The following MID1 variants were observed in gnomAD, a reference collection of about 807,000 sequenced individuals.
MID1 encodes E3 ubiquitin-protein ligase Midline-1.
In MID1, 7 loss-of-function variants were observed where a neutral mutation model predicts 40.4. That is an observed-to-expected ratio of 0.17 (90% CI 0.10 to 0.33). The LOEUF is 0.33. MID1 is among the 10% of genes least tolerant of loss of function. MID1 has a pLI of 1.00. For missense variants in MID1, 367 were observed against 558.5 expected, an observed-to-expected ratio of 0.66 and a Z score of 3.46; for synonymous variants, 229 against 221.2, an observed-to-expected ratio of 1.04 and a Z score of -0.31.
At chrX:10,454,585 T>C (rs1029427372) in intron 9 of MID1, among the ~76,000 whole-genome samples, 3 of 111,922 alleles carry the variant, frequency 2.7e-5, no homozygotes, top group East Asian at 2.8e-4. Flanking sequence ...CCATGTTTCA[T>C]GGCATGAAAG....
chrX:10,790,444 C>T (rs1255079578), intron 1 of MID1, among the ~76,000 whole-genome samples: 2 of 110,921 alleles, frequency 1.8e-5, no homozygotes, highest in African/African-American at 6.6e-5. Context: ...GACTCCAGCA[C>T]CCTTGCTGCT....
intron 1 of MID1, among the ~76,000 whole-genome samples, chrX:10,730,090 A>AT (rs1345545486): frequency 3.7e-5 from 4 of 108,424 alleles, no homozygotes; most frequent in African/African-American, 1.3e-4. Flanking sequence ...TCTCAAAAAA[A>AT]AAAAAATAAA....
chrX:10,704,605 A>G (rs764714811), intron 1 of MID1, among the ~76,000 whole-genome samples: 204 of 107,412 alleles, frequency 1.9e-3, no homozygotes, highest in African/African-American at 6.6e-3. Context: ...CAGAATCCAA[A>G]TGTCATTGCA....
At chrX:10,750,223 A>C (rs1207570162) in intron 1 of MID1, among the ~76,000 whole-genome samples, 2 of 111,673 alleles carry the variant, frequency 1.8e-5, no homozygotes, top group East Asian at 5.6e-4. Flanking sequence ...TGGTCACAGA[A>C]GTTTTCATAC....
chrX:10,623,072 T>G (rs1602479166), upstream of MID1, among the ~76,000 whole-genome samples: 2 of 78,600 alleles, frequency 2.5e-5, no homozygotes, highest in African/African-American at 5.8e-5. Flanking sequence ...CATGGTGAAA[T>G]GCTGTCTCTA....
chrX:10,753,525 GT>G (rs1159609783), intron 1 of MID1, among the ~76,000 whole-genome samples: 2 of 109,372 alleles, frequency 1.8e-5, no homozygotes, highest in Admixed American at 2.0e-4. Flanking sequence ...AGGTGATTCT[GT>G]TTTCAAGGAC....
intron 1 of MID1, among the ~76,000 whole-genome samples, chrX:10,783,804 T>C (rs1044557439): frequency 9.0e-6 from 1 of 111,336 alleles, no homozygotes; most frequent in Non-Finnish European, 1.9e-5. Flanking sequence ...CAGGAAAGCA[T>C]TTTCCTTTGG....
At chrX:10,746,437 C>T (rs750222803) in intron 1 of MID1, among the ~76,000 whole-genome samples, 1 of 112,106 alleles carries the variant, frequency 8.9e-6, no homozygotes, top group African/African-American at 3.2e-5. Flanking sequence ...CATGCACATT[C>T]GACCATTGCC....
At chrX:10,479,773 T>C (rs1301547208) in intron 5 of MID1, among the ~76,000 whole-genome samples, 1 of 112,170 alleles carries the variant, frequency 8.9e-6, no homozygotes, top group African/African-American at 3.2e-5. Flanking sequence ...TTCCAAATCT[T>C]AGCTATTGTA....
chrX:10,620,109 G>T (rs1935908867), intron 1 of MID1, among the ~76,000 whole-genome samples, 181 bp downstream of exon 1: 1 of 112,262 alleles, frequency 8.9e-6, no homozygotes, highest in South Asian at 3.8e-4. Context: ...ACCAGACCGG[G>T]GTGGCTCAGG....
intron 1 of MID1, among the ~76,000 whole-genome samples, chrX:10,818,186 T>G (rs2147157480): frequency 8.9e-6 from 1 of 112,376 alleles, no homozygotes; most frequent in African/African-American, 3.2e-5. Flanking sequence ...AAATTTTAAC[T>G]TTGTGTTTAA....
At chrX:10,636,785 G>GAGATATATATATATATATATATATAT (rs757390504) in intron 1 of MID1, among the ~76,000 whole-genome samples, 31 of 42,701 alleles carry the variant, frequency 7.3e-4, no homozygotes, top group Non-Finnish European at 1.2e-3. Context: ...CAACAATGGG[G>GAGATATATATATATATATATATATAT]ATATATATAT....
chrX:10,602,204 A>AG lies in MID1; in HGVS notation c.-57+18085_-57+18086insC, dbSNP rs1288833801. 8.5e-5 allele frequency among the ~76,000 whole-genome samples: 9 copies of AG among 105,319 alleles called. No homozygotes were observed. The East Asian group carries it at 2.6e-3, about 30-fold the overall frequency. The allele number at this position is 105,319 out of a possible 115,157, so 91.5% of individuals were successfully genotyped here. On this transcript the variant is annotated intron_variant, in intron 1 of 9. Coordinates refer to ENST00000317552, the MANE Select transcript of MID1 (RefSeq NM_000381.4). Reference sequence around the variant, plus strand: ...TAATCTGGGATAAAATCTCTGTAACAATTAAGCAAATAGTTTCTGACTTTT... The same window carrying AG: ...TAATCTGGGATAAAATCTCTGTAACAGATTAAGCAAATAGTTTCTGACTTTT...
At chrX:10,537,504 A>T (rs1933305164) in intron 2 of MID1, among the ~76,000 whole-genome samples, 1 of 112,478 alleles carries the variant, frequency 8.9e-6, no homozygotes, top group South Asian at 3.7e-4. Flanking sequence ...TAATAATTAA[A>T]TGGTGATAGT....
rs752764681 is a variant in MID1, at chrX:10,587,556, G to A, written c.-56-19953C>T. On this transcript the variant is annotated intron_variant, in intron 1 of 9. Transcript: ENST00000317552. ...ACTACCACACAGTCCATGCCTTGTC[G>A]ACTGGAGGACCACCTTAGTGGAAGG... Among the ~76,000 whole-genome samples the A allele has an allele frequency of 5.3e-5, 6 of 112,543 alleles. No homozygotes were observed. In the East Asian group the frequency reaches 1.1e-3, roughly 21 times the overall value.
intron 1 of MID1, among the ~76,000 whole-genome samples, chrX:10,825,164 C>G (rs758286760): frequency 1.5e-4 from 17 of 111,680 alleles, no homozygotes; most frequent in Non-Finnish European, 2.3e-4. Flanking sequence ...TAATGTGTGC[C>G]AAGAACAAAG....
At chrX:10,486,637 A>T (rs193183621) in intron 4 of MID1, among the ~76,000 whole-genome samples, 5 of 112,266 alleles carry the variant, frequency 4.5e-5, no homozygotes, top group Admixed American at 3.8e-4. Flanking sequence ...CTCAAGAGAA[A>T]AGGAGTGCGG....
At chrX:10,620,119 G>A (rs1935909294) in intron 1 of MID1, among the ~76,000 whole-genome samples, 171 bp downstream of exon 1, 1 of 112,364 alleles carries the variant, frequency 8.9e-6, no homozygotes, top group Non-Finnish European at 1.9e-5. Context: ...GGTGGCTCAG[G>A]TAAAATGTGC....
intron 1 of MID1, among the ~76,000 whole-genome samples, chrX:10,815,157 C>T (rs1251787264): frequency 8.9e-6 from 1 of 111,775 alleles, no homozygotes; most frequent in African/African-American, 3.3e-5. Context: ...TTTAACATTA[C>T]CACAAAAACA....
Sources: gnomAD v4.1 joint callset for allele counts (sites outside exome capture counted in the v4.1 genomes callset) on GRCh38, gnomAD v4.1.1 for gene constraint, MANE v1.5 for transcripts, NCBI Gene and HGNC (gene_info 2026-07-23, HGNC 2026-07-21) for gene names.